Variants in C9 observed in about 807,000 individuals in gnomAD.
C9 encodes complement C9, also known as complement component C9.
A neutral mutation model predicts 65.4 loss-of-function variants in C9; 63 were observed. That is an observed-to-expected ratio of 0.96 (90% CI 0.79 to 1.19). The LOEUF (loss-of-function observed/expected upper bound fraction) is 1.19. C9 is among the 50% of genes most tolerant of loss of function. The probability of loss-of-function intolerance (pLI) is 0.00; values close to 1 mark genes in which losing one functional copy is unlikely to be tolerated. For missense variants in C9, 744 were observed against 670.1 expected (o/e 1.11, Z -1.22); for synonymous variants, 229 against 227.9 (o/e 1.00, Z -0.04).
intron 5 of C9, among the ~76,000 whole-genome samples, chr5:39,316,971 A>G (rs1005459519): frequency 9.2e-5 from 14 of 152,224 alleles, no homozygotes. Context: ...CCAACACTGT[A>G]AAAGCGTTCC....
chr5:39,290,198 A>T (rs1753062840), intron 9 of C9, among the ~76,000 whole-genome samples: 1 of 151,910 alleles, frequency 6.6e-6, no homozygotes, highest in South Asian at 2.1e-4. Flanking sequence ...AGTTAGATAG[A>T]AGGGGTAAGT....
intron 9 of C9, among the ~76,000 whole-genome samples, chr5:39,297,720 CAAA>C (rs1753210479): frequency 6.6e-6 from 1 of 151,514 alleles, no homozygotes; most frequent in Non-Finnish European, 1.5e-5. Context: ...ACATAAAGCT[CAAA>C]CTGATAGAAC....
At position 39,342,121 on chromosome 5, in the gene C9, C is replaced by G. The variant is rs775147948; in HGVS notation, c.153G>C (p.Trp51Cys). Residue 51 changes from tryptophan to cysteine, a missense_variant, in exon 2 of 11, where the codon TGG becomes TGC. Coordinates refer to ENST00000263408, the MANE Select transcript of C9 (RefSeq NM_001737.5). ...IDCRMSPWSE[W>C]SQCDPCLRQM... ...GTCTGAGACAAGGATCGCATTGTGA[C>G]CATTCACTCCAGGGGCTCATTCTGC... 2 of 1,604,258 alleles carry G rather than the reference C, an allele frequency of 1.2e-6. No individual in the cohort carries two copies. Among genetic ancestry groups the G allele is most frequent in the Admixed American group, 3.3e-5 (2 of 60,016 alleles).
intron 5 of C9, among the ~76,000 whole-genome samples, chr5:39,318,304 C>G (rs1269700967): frequency 1.2e-4 from 19 of 152,106 alleles, no homozygotes; most frequent in Admixed American, 1.2e-3. Flanking sequence ...CATCTGCAAA[C>G]AAAGATAATT....
intron 5 of C9, among the ~76,000 whole-genome samples, chr5:39,323,910 G>T (rs936653619): frequency 6.6e-6 from 1 of 151,894 alleles, no homozygotes; most frequent in Admixed American, 6.6e-5. Context: ...AAACCCTAAA[G>T]ACACCACCCA....
chr5:39,316,012 AT>A lies in C9; in HGVS notation c.632del (p.Asn211IlefsTer31). ...GTTCTTCGTAATGTTCGGTTCTGAA[AT>A]TTTTCTCGCCTTTGGTCTAAAAGAG... Reference protein sequence around the residue: ...SLIYETKGEKNFRTEHYEEQI... With the variant: ...SLIYETKGEKXFRTEHYEEQI... On this transcript the variant is annotated frameshift_variant, in exon 6 of 11. Coordinates refer to ENST00000263408, the MANE Select transcript of C9 (RefSeq NM_001737.5). LOFTEE classifies it high-confidence loss of function. 6.2e-7 allele frequency: 1 copy of A among 1,612,450 alleles called. No individual in the cohort carries two copies. The highest frequency in any genetic ancestry group is 8.5e-7 in the Non-Finnish European group (1 of 1,179,134).
chr5:39,354,226 T>C (rs936319955), intron 1 of C9, among the ~76,000 whole-genome samples: 1 of 152,206 alleles, frequency 6.6e-6, no homozygotes, highest in Non-Finnish European at 1.5e-5. Flanking sequence ...AATGTTTCCA[T>C]AAAACTACAG....
At position 39,288,863 on chromosome 5, in the gene C9, A is replaced by C. The variant is rs189917912; in HGVS notation, c.1505T>G (p.Ile502Ser). ...GCATTTTCTTACACTAAATTCATTG[A>C]TATAGTCTTCAATGGCTCTTTCCAA... ...QNLERAIEDY[I>S]NEFSVRKCHT... is the part of the protein sequence containing the mutation. Residue 502 changes from isoleucine (I) to serine (S), a missense_variant, in exon 10 of 11, where the codon ATC (isoleucine) becomes AGC (serine). Ile to Ser is a moderately radical substitution (Grantham distance 142). Coordinates refer to ENST00000263408, the MANE Select transcript of C9 (RefSeq NM_001737.5). The C allele has an allele frequency of 6.2e-7, 1 of 1,611,246 alleles. No individual in the cohort carries two copies. Among genetic ancestry groups the C allele is most frequent in the African/African-American group, 1.3e-5 (1 of 74,874 alleles).
intron 9 of C9, among the ~76,000 whole-genome samples, chr5:39,300,327 C>A (rs1204578488): frequency 6.6e-6 from 1 of 151,962 alleles, no homozygotes; most frequent in Non-Finnish European, 1.5e-5. Context: ...CAGAAGAATC[C>A]TTTGAAGCCA....
At position 39,352,440 on chromosome 5, in the gene C9, C is replaced by T. The variant is rs191481202; in HGVS notation, c.78-10244G>A. ...AACTCAATGCATTCCCAAATGAGTG[C>T]GTTAATTTTTCTCCCCTCTCAAATA... On this transcript the variant is annotated intron_variant, in intron 1 of 10. Transcript: ENST00000263408. Among the ~76,000 whole-genome samples the T allele has an allele frequency of 8.4e-4, 128 of 152,310 alleles. 1 individual carries two copies. The highest frequency in any genetic ancestry group is 2.9e-3 in the African/African-American group (122 of 41,568).
chr5:39,353,375 A>T (rs1207473634), intron 1 of C9, among the ~76,000 whole-genome samples: 2 of 152,226 alleles, frequency 1.3e-5, no homozygotes, highest in African/African-American at 2.4e-5. Flanking sequence ...TGAGAGCTCT[A>T]CATGGCCTAT....
At chr5:39,342,256 T>A in intron 1 of C9, 60 bp from the exon 2 acceptor site, 1 of 913,728 alleles carries the variant, frequency 1.1e-6, no homozygotes, top group Admixed American at 1.7e-5. Flanking sequence ...TTCCAAGAAG[T>A]CTTCATAAAC....
At chr5:39,351,553 T>G (rs142967054) in intron 1 of C9, among the ~76,000 whole-genome samples, 2,131 of 152,336 alleles carry the variant, frequency 0.014, 28 homozygotes, top group South Asian at 0.063. Flanking sequence ...AACACTTTGT[T>G]GCTTAGAAAT....
intron 1 of C9, among the ~76,000 whole-genome samples, chr5:39,363,088 T>C (rs1334097808): frequency 6.6e-6 from 1 of 152,106 alleles, no homozygotes; most frequent in Non-Finnish European, 1.5e-5. Flanking sequence ...GTTGTTTGAA[T>C]TATTATTATT....
At chr5:39,363,382 A>G (rs1374736272) in intron 1 of C9, among the ~76,000 whole-genome samples, 1 of 152,204 alleles carries the variant, frequency 6.6e-6, no homozygotes, top group Non-Finnish European at 1.5e-5. Context: ...CCCAGGCTGA[A>G]TGGCGGCCTC....
rs770722840 is a variant in C9, at chr5:39,311,207, ACTG to A, written c.1038_1040del (p.Ser349del). On this transcript the variant is annotated inframe_deletion, in exon 7 of 11. Transcript: ENST00000263408. ...AGAGTCCTCCTAGAGACCCAGAGCT[ACTG>A]TAGTGAGTTCCATAGGTTTCCAAAA... 2.1e-4 allele frequency: 341 copies of A among 1,613,110 alleles called. No homozygotes were observed. The highest frequency in any genetic ancestry group is 6.3e-4 in the Admixed American group (38 of 60,002).
At chr5:39,348,123 G>A (rs1754245246) in intron 1 of C9, among the ~76,000 whole-genome samples, 1 of 152,082 alleles carries the variant, frequency 6.6e-6, no homozygotes, top group Non-Finnish European at 1.5e-5. Flanking sequence ...AGGACTTCAT[G>A]TCTAAAACAC....
intron 1 of C9, among the ~76,000 whole-genome samples, chr5:39,357,842 A>G (rs1754438832): frequency 6.6e-6 from 1 of 152,208 alleles, no homozygotes; most frequent in Admixed American, 6.5e-5. Context: ...AGAGGAAGTA[A>G]CACTGTATGA....
chr5:39,359,086 ATATG>A (rs1203492233), intron 1 of C9, among the ~76,000 whole-genome samples: 24 of 66,512 alleles, frequency 3.6e-4, no homozygotes, highest in African/African-American at 1.0e-3. Flanking sequence ...GTGTATATAT[ATATG>A]TGTGTGTGTG....
Sources: allele counts gnomAD v4.1 joint callset (sites outside exome capture counted in the v4.1 genomes callset), GRCh38; gene constraint gnomAD v4.1.1; transcripts MANE v1.5; gene names NCBI Gene and HGNC (gene_info 2026-07-23, HGNC 2026-07-21).